MYT1L: variants seen among roughly 807,000 people sequenced by gnomAD.
The protein encoded by MYT1L is myelin transcription factor 1 like.
Under a neutral mutation model 126.7 loss-of-function variants are expected in MYT1L, and 12 were observed. The ratio of observed to expected loss-of-function variants is 0.09; its 90% CI spans 0.06 to 0.15. The LOEUF is 0.15. Ranked by LOEUF, MYT1L falls within the 10% of genes least tolerant of loss-of-function variation. The pLI is 1.00. For synonymous variants in MYT1L, 541 were observed against 604.2 expected (o/e 0.90, Z 1.53); for missense variants, 979 against 1,585.2 (o/e 0.62, Z 6.49).
intron 3 of MYT1L, among the ~76,000 whole-genome samples, chr2:2,159,290 G>T (rs2148405557): frequency 6.6e-6 from 1 of 152,304 alleles, no homozygotes; most frequent in East Asian, 1.9e-4. Context: ...ATGGGGTCAA[G>T]GGTCCAGTAT....
chr2:2,313,035 G>C (rs1303567089), intron 1 of MYT1L, among the ~76,000 whole-genome samples: 1 of 151,472 alleles, frequency 6.6e-6, no homozygotes, highest in African/African-American at 2.4e-5. Context: ...AAGAAGAAAA[G>C]AATGAAAATA....
At chr2:2,220,448 A>C (rs1034036363) in intron 2 of MYT1L, among the ~76,000 whole-genome samples, 1 of 152,244 alleles carries the variant, frequency 6.6e-6, no homozygotes, top group African/African-American at 2.4e-5. Flanking sequence ...AAGATTGTGG[A>C]GGCTAAGGTT....
At chr2:1,963,946 C>T (rs186600029) in intron 8 of MYT1L, among the ~76,000 whole-genome samples, 105 of 152,364 alleles carry the variant, frequency 6.9e-4, no homozygotes, top group Non-Finnish European at 1.2e-3. Context: ...CTTCCCTTCA[C>T]ATTCACAAGT....
intron 5 of MYT1L, among the ~76,000 whole-genome samples, chr2:1,994,404 G>C (rs1558659495): frequency 6.6e-6 from 1 of 151,148 alleles, no homozygotes; most frequent in East Asian, 2.0e-4. Context: ...AGTCCTCCTG[G>C]GGGGCTCAGC....
chr2:1,878,425 T>A (rs1372982103), intron 18 of MYT1L, among the ~76,000 whole-genome samples: 3 of 152,230 alleles, frequency 2.0e-5, no homozygotes, highest in Admixed American at 6.5e-5. Context: ...GGAATATTCC[T>A]ACACGTTTGT....
chr2:2,279,568 T>TGAAGGAAGGAAGGAAGGAAG (rs199817306), intron 2 of MYT1L, among the ~76,000 whole-genome samples: 2 of 144,970 alleles, frequency 1.4e-5, no homozygotes, highest in Admixed American at 6.9e-5. Context: ...AATGAATGAA[T>TGAAGGAAGGAAGGAAGGAAG]GAAGGAAGGA....
In MYT1L at chr2:1,984,697, G is replaced by A. The variant is rs540517398; in HGVS notation, c.1-4920C>T. Among the ~76,000 whole-genome samples, 8 of 151,870 alleles carry A rather than the reference G, an allele frequency of 5.3e-5. No individual in the cohort carries two copies. In the South Asian group the frequency reaches 1.7e-3, roughly 32 times the overall value. On this transcript the variant is annotated intron_variant, in intron 5 of 24. Transcript: ENST00000647738. Reference sequence around the variant, plus strand: ...GCTAATTTTTTGTACTTTTAGTAGAGACAGGGTTTCACCGTGTTAGCCAGG... The same window carrying A: ...GCTAATTTTTTGTACTTTTAGTAGAAACAGGGTTTCACCGTGTTAGCCAGG...
intron 18 of MYT1L, among the ~76,000 whole-genome samples, chr2:1,868,572 G>C (rs768165091): frequency 1.3e-5 from 2 of 151,940 alleles, no homozygotes; most frequent in South Asian, 4.2e-4. Context: ...CCCTCTCCCC[G>C]GCCCCGAAGG....
intron 3 of MYT1L, among the ~76,000 whole-genome samples, chr2:2,106,477 G>C (rs2078776870): frequency 6.6e-6 from 1 of 152,108 alleles, no homozygotes; most frequent in Non-Finnish European, 1.5e-5. Flanking sequence ...AGTTAGCCAG[G>C]TGTGGTGGCG....
At chr2:2,011,429 G>GA (rs34924474) in intron 4 of MYT1L, among the ~76,000 whole-genome samples, 163 of 139,810 alleles carry the variant, frequency 1.2e-3, no homozygotes, top group Middle Eastern at 3.6e-3. Context: ...AGAAAAAAAA[G>GA]AAAAAAAAAA....
At chr2:2,164,566 T>C (rs971311193) in intron 3 of MYT1L, among the ~76,000 whole-genome samples, 2 of 152,194 alleles carry the variant, frequency 1.3e-5, no homozygotes, top group Non-Finnish European at 2.9e-5. Flanking sequence ...TTTTGGTTAC[T>C]TTCCAAGACT....
chr2:1,931,493 G>A (rs189343369), intron 9 of MYT1L, among the ~76,000 whole-genome samples: 28 of 151,212 alleles, frequency 1.9e-4, no homozygotes, highest in Admixed American at 2.6e-4. Flanking sequence ...CGTCTGCTGC[G>A]CCTTCCAAGT....
At chr2:2,179,738 T>C (rs2091211854) in intron 2 of MYT1L, among the ~76,000 whole-genome samples, 1 of 152,168 alleles carries the variant, frequency 6.6e-6, no homozygotes, top group South Asian at 2.1e-4. Context: ...CTTGGTGACA[T>C]GTTATTTCTC....
At chr2:2,175,468 C>T (rs567469920) in intron 2 of MYT1L, among the ~76,000 whole-genome samples, 1 of 152,130 alleles carries the variant, frequency 6.6e-6, no homozygotes, top group East Asian at 1.9e-4. Context: ...ACCCTAAAAG[C>T]TCCGTGTGAG....
intron 3 of MYT1L, among the ~76,000 whole-genome samples, chr2:2,102,861 G>A (rs1033315512): frequency 1.3e-5 from 2 of 151,350 alleles, no homozygotes; most frequent in African/African-American, 4.9e-5. Context: ...GTAGAATATT[G>A]ATCTATATAA....
intron 9 of MYT1L, among the ~76,000 whole-genome samples, chr2:1,941,498 T>G (rs2056637959): frequency 6.6e-6 from 1 of 152,228 alleles, no homozygotes; most frequent in African/African-American, 2.4e-5. Flanking sequence ...AAATCTATTA[T>G]TTTAATTCTT....
At chr2:1,911,902 C>T (rs945940523) in intron 12 of MYT1L, 118 bp downstream of exon 12, 7 of 690,526 alleles carry the variant, frequency 1.0e-5, no homozygotes, top group Admixed American at 3.3e-5. Flanking sequence ...TGGAGGTGCC[C>T]GCACTTGGGG....
chr2:2,102,016 C>T lies in MYT1L; in HGVS notation c.-303-47893G>A, dbSNP rs542573317. Among the ~76,000 whole-genome samples, 10 of 152,312 alleles carry T rather than the reference C, an allele frequency of 6.6e-5. No homozygotes were observed. The South Asian group carries it at 2.1e-3, about 32-fold the overall frequency. ...AATTAAGCACACATTTTTCATCTTGCTGGCATGCCCTTTCCTGAATACATT... is the reference window on the plus strand; with the variant it reads ...AATTAAGCACACATTTTTCATCTTGTTGGCATGCCCTTTCCTGAATACATT... On this transcript the variant is annotated intron_variant, in intron 3 of 24. Transcript: ENST00000647738.
chr2:2,098,327 T>C (rs2077677468), intron 3 of MYT1L, among the ~76,000 whole-genome samples: 1 of 152,210 alleles, frequency 6.6e-6, no homozygotes, highest in African/African-American at 2.4e-5. Flanking sequence ...TTTTAAAGGG[T>C]CTGAACATTG....
Sources: gnomAD v4.1 joint callset for allele counts (sites outside exome capture counted in the v4.1 genomes callset) on GRCh38, gnomAD v4.1.1 for gene constraint, MANE v1.5 for transcripts, NCBI Gene and HGNC (gene_info 2026-07-23, HGNC 2026-07-21) for gene names.